Variants in SLC38A4 observed in about 807,000 individuals in gnomAD.
SLC38A4 encodes sodium-coupled neutral amino acid transporter 4.
SLC38A4 carries 20 observed loss-of-function variants against 63.1 expected under a neutral mutation model. That is an observed-to-expected ratio of 0.32 (90% CI 0.22 to 0.46). SLC38A4 has a LOEUF of 0.46. Among genes scored for constraint, SLC38A4 ranks in the 20% least tolerant of loss-of-function variants. The probability of loss-of-function intolerance (pLI) is 1.00; values close to 1 mark genes in which losing one functional copy is unlikely to be tolerated. For missense variants in SLC38A4, 526 were observed against 663.6 expected, an observed-to-expected ratio of 0.79 and a Z score of 2.28; for synonymous variants, 230 against 225.5, an observed-to-expected ratio of 1.02 and a Z score of -0.18.
chr12:46,826,839 T>C (rs148888805), upstream of SLC38A4, among the ~76,000 whole-genome samples: 2 of 152,352 alleles, frequency 1.3e-5, no homozygotes, highest in African/African-American at 4.8e-5. Context: ...AGTATTTGTA[T>C]TGACTATAAA....
At chr12:46,827,751 T>A (rs1939678840), upstream of SLC38A4, among the ~76,000 whole-genome samples, 1 of 152,098 alleles carries the variant, frequency 6.6e-6, no homozygotes, top group Admixed American at 6.5e-5. Flanking sequence ...AATATGCCCT[T>A]GAGAACCAGA....
chr12:46,811,012 AATAG>A (rs1041697928), intron 1 of SLC38A4, among the ~76,000 whole-genome samples: 2 of 152,082 alleles, frequency 1.3e-5, no homozygotes, highest in Admixed American at 6.6e-5. Flanking sequence ...AGATATTCTA[AATAG>A]ATCTCAAAAT....
At position 46,766,579 on chromosome 12, in the gene SLC38A4, A is replaced by C. The variant is rs1488734758; in HGVS notation, c.*122T>G. ...CAGGTGCCTGGTGATATTACTGGTA[A>C]ACGTCTTTGGAATCTTCCTGTTATT... On this transcript the variant is annotated 3_prime_UTR_variant, in exon 17 of 17. Coordinates refer to ENST00000266579, the MANE Select transcript of SLC38A4 (RefSeq NM_018018.5). 1 of 775,768 alleles carries C rather than the reference A, an allele frequency of 1.3e-6. No individual in the cohort carries two copies. The highest frequency in any genetic ancestry group is 1.5e-5 in the South Asian group (1 of 68,004). The allele number at this position is 775,768 out of a possible 1,614,324, so 48.1% of individuals were successfully genotyped here.
chr12:46,819,116 A>G (rs536716775), intron 1 of SLC38A4, among the ~76,000 whole-genome samples: 28 of 152,038 alleles, frequency 1.8e-4, no homozygotes, highest in African/African-American at 6.3e-4. Flanking sequence ...ATGTAAATCA[A>G]CACAATTCAG....
At position 46,776,938 on chromosome 12, in the gene SLC38A4, C is replaced by T; in HGVS notation, c.1140G>A (p.Leu380=). The change falls in exon 13 of 17, where the codon CTG becomes CTA. Residue 380 remains leucine, a synonymous_variant. Coordinates refer to ENST00000266579, the MANE Select transcript of SLC38A4 (RefSeq NM_018018.5). ...TTAGGTAACCAAAGAGGGCGGCAAG[C>T]AGGTACATGACAAGCATCCCCGTGA... ...ISITGMLVMY[L]LAALFGYLTF... 9.3e-6 allele frequency: 15 copies of T among 1,612,068 alleles called. No homozygotes were observed. The highest frequency in any genetic ancestry group is 1.3e-5 in the Non-Finnish European group (15 of 1,178,732).
intron 1 of SLC38A4, among the ~76,000 whole-genome samples, chr12:46,831,972 AG>A (rs769490133): frequency 1.1e-4 from 17 of 148,678 alleles, no homozygotes; most frequent in East Asian, 5.8e-4. Context: ...CTCCTGGAAT[AG>A]GCTACCTTGG....
intron 2 of SLC38A4, among the ~76,000 whole-genome samples, chr12:46,802,622 A>T (rs891220761): frequency 6.6e-6 from 1 of 152,026 alleles, no homozygotes; most frequent in Non-Finnish European, 1.5e-5. Flanking sequence ...CTAAATATAA[A>T]TCGAAACTGG....
chr12:46,778,771 A>G lies in SLC38A4; in HGVS notation c.723T>C (p.Ile241=), dbSNP rs1292526563. ...GGCAGGGTATTTGGAATTTCTTGTAAATCACCTAGACTCAGTCATTAAAAA... is the reference window on the plus strand; with the variant it reads ...GGCAGGGTATTTGGAATTTCTTGTAGATCACCTAGACTCAGTCATTAAAAA... ...TCMVFFVSVV[I]YKKFQIPCPL... is the part of the protein sequence containing the mutation. Residue 241 remains isoleucine (I), a synonymous_variant, in exon 11 of 17, where the codon ATT becomes ATC. Coordinates refer to ENST00000266579, the MANE Select transcript of SLC38A4 (RefSeq NM_018018.5). 1 of 1,611,878 alleles carries G rather than the reference A, an allele frequency of 6.2e-7. No individual in the cohort carries two copies. The highest frequency in any genetic ancestry group is 1.1e-5 in the South Asian group (1 of 90,948).
chr12:46,798,001 G>A (rs1939052731), intron 2 of SLC38A4, among the ~76,000 whole-genome samples: 1 of 152,072 alleles, frequency 6.6e-6, no homozygotes, highest in South Asian at 2.1e-4. Context: ...ATAAACTGAA[G>A]TATTTCTCAA....
chr12:46,831,785 G>A (rs1939734642), intron 1 of SLC38A4, among the ~76,000 whole-genome samples: 3 of 150,360 alleles, frequency 2.0e-5, no homozygotes, highest in Non-Finnish European at 2.9e-5. Context: ...AGGGACTCGG[G>A]TAACACCTTG....
At position 46,775,280 on chromosome 12, in the gene SLC38A4, G is replaced by A. The variant is rs1938500076; in HGVS notation, c.1175-107C>T. On this transcript the variant is annotated intron_variant, in intron 13 of 16. Coordinates refer to ENST00000266579, the MANE Select transcript of SLC38A4 (RefSeq NM_018018.5). Reference sequence around the variant, plus strand: ...ACACAGAACAGAGGAAAAGACCTAGGCCTGGGAATCCAGGCACCTCTGGTC... The same window carrying A: ...ACACAGAACAGAGGAAAAGACCTAGACCTGGGAATCCAGGCACCTCTGGTC... The A allele has an allele frequency of 4.4e-6, 6 of 1,372,886 alleles. No homozygotes were observed. In the South Asian group the frequency reaches 1.0e-4, roughly 23 times the overall value. 85.0% of individuals were successfully genotyped at this position (1,372,886 alleles called of 1,614,324 possible).
At chr12:46,786,533 T>C (rs1039570634) in intron 5 of SLC38A4, among the ~76,000 whole-genome samples, 1 of 152,134 alleles carries the variant, frequency 6.6e-6, no homozygotes, top group Non-Finnish European at 1.5e-5. Flanking sequence ...TCATCAGTGA[T>C]CTGTAACTTC....
At chr12:46,797,019 C>T (rs1451834531) in intron 2 of SLC38A4, among the ~76,000 whole-genome samples, 2 of 152,256 alleles carry the variant, frequency 1.3e-5, no homozygotes, top group East Asian at 3.9e-4. Flanking sequence ...TCAAAAATTT[C>T]TATTTGCTGA....
intron 7 of SLC38A4, among the ~76,000 whole-genome samples, chr12:46,782,043 T>C (rs1396441181): frequency 6.6e-6 from 1 of 152,068 alleles, no homozygotes; most frequent in Non-Finnish European, 1.5e-5. Flanking sequence ...TTGATATTAC[T>C]GTCAAATTCT....
rs538971007 is a variant in SLC38A4 at position 46,798,058 on chromosome 12, C to T, written c.-112-4875G>A. Among the ~76,000 whole-genome samples, 5 of 152,276 alleles carry T rather than the reference C, an allele frequency of 3.3e-5. No homozygotes were observed. The East Asian group carries it at 9.7e-4, about 29-fold the overall frequency. ...TCTTTCACCTTCACTCTTGTCCAAGCTACCATCATGTCTACTGTAAAAATC... is the reference window on the plus strand; with the variant it reads ...TCTTTCACCTTCACTCTTGTCCAAGTTACCATCATGTCTACTGTAAAAATC... On this transcript the variant is annotated intron_variant, in intron 2 of 16. Transcript: ENST00000266579.
chr12:46,816,903 G>A (rs1296628029), intron 1 of SLC38A4, among the ~76,000 whole-genome samples: 2 of 151,800 alleles, frequency 1.3e-5, no homozygotes, highest in Non-Finnish European at 2.9e-5. Flanking sequence ...AATTCAGAAA[G>A]TAACTATGTA....
intron 12 of SLC38A4, 74 bp downstream of exon 12, chr12:46,778,214 TC>T (rs1357164467): frequency 1.4e-6 from 2 of 1,395,474 alleles, no homozygotes; most frequent in African/African-American, 1.4e-5. Context: ...AAACTGTGTT[TC>T]CTGTTAAAGA....
intron 1 of SLC38A4, among the ~76,000 whole-genome samples, chr12:46,818,950 A>C (rs1324957014): frequency 6.6e-6 from 1 of 151,804 alleles, no homozygotes; most frequent in Non-Finnish European, 1.5e-5. Flanking sequence ...ATTAAAGTGG[A>C]ATTGATCAAA....
In SLC38A4 at chr12:46,817,051, G is replaced by T. The variant is rs183491977; in HGVS notation, c.-305+8852C>A. 8.6e-5 allele frequency among the ~76,000 whole-genome samples: 13 copies of T among 151,858 alleles called. No homozygotes were observed. The East Asian group carries it at 2.3e-3, about 27-fold the overall frequency. ...CTTAATAGCTTAAGGGGAAGATATG[G>T]TTTATGCAGTTGGGGCCAGGCTTGT... On this transcript the variant is annotated intron_variant, in intron 1 of 16. Transcript: ENST00000266579.
Sources: gnomAD v4.1 joint callset for allele counts (sites outside exome capture counted in the v4.1 genomes callset) on GRCh38, gnomAD v4.1.1 for gene constraint, MANE v1.5 for transcripts, NCBI Gene and HGNC (gene_info 2026-07-23, HGNC 2026-07-21) for gene names.